The following KLHL30 variants were observed in gnomAD, a reference collection of about 807,000 sequenced individuals.
KLHL30 encodes the protein kelch-like protein 30.
Under a neutral mutation model 55.0 loss-of-function variants are expected in KLHL30, and 55 were observed. The ratio of observed to expected loss-of-function variants is 1.00; its 90% CI spans 0.80 to 1.25. The LOEUF (loss-of-function observed/expected upper bound fraction) is 1.25. KLHL30 is among the 50% of genes most tolerant of loss of function. The pLI is 0.00. For missense variants in KLHL30, 786 were observed against 811.6 expected (o/e 0.97, Z 0.38); for synonymous variants, 356 against 372.6 (o/e 0.96, Z 0.51).
At chr2:238,150,549 G>GC (rs1042503936) in intron 7 of KLHL30, among the ~76,000 whole-genome samples, 46 of 152,288 alleles carry the variant, frequency 3.0e-4, no homozygotes, top group African/African-American at 1.1e-3. Flanking sequence ...AGGCCTCAGG[G>GC]CCCCCTCTGA....
chr2:238,139,712 G>A lies in KLHL30; in HGVS notation c.-71+954G>A, dbSNP rs10210025. Among the ~76,000 whole-genome samples the A allele has an allele frequency of 3.7e-3, 561 of 152,304 alleles. 3 individuals are homozygous for A. Among genetic ancestry groups the A allele is most frequent in the African/African-American group, 0.013 (533 of 41,570 alleles). On this transcript the variant is annotated intron_variant, in intron 1 of 7. Transcript: ENST00000409223. The stretch of plus-strand genomic sequence containing the variant: ...TCCCACGCATTTTGTACCTGTGGAC[G>A]CGCGGCCGCCTCTCCTGCCCGGGAT...
At position 238,144,418 on chromosome 2, in the gene KLHL30, G is replaced by GGAAGGAAGGAAGGAAT. The variant is rs1559275952; in HGVS notation, c.908-469_908-468insTGAAGGAAGGAAGGAA. On this transcript the variant is annotated intron_variant, in intron 3 of 7. Coordinates refer to ENST00000409223, the MANE Select transcript of KLHL30 (RefSeq NM_198582.4). The stretch of plus-strand genomic sequence containing the variant: ...AGGAAGGAAGGAAGGAAGGAAGGAA[G>GGAAGGAAGGAAGGAAT]GAAGGAAGGAAGGAAGGCAGGCAGG... Among the ~76,000 whole-genome samples the GGAAGGAAGGAAGGAAT allele has an allele frequency of 1.1e-3, 133 of 117,152 alleles. 1 individual carries two copies. The highest frequency in any genetic ancestry group is 4.7e-3 in the South Asian group (18 of 3,842). 76.9% of individuals were successfully genotyped at this position (117,152 alleles called of 152,430 possible). A position where few individuals can be genotyped will look rare whatever the true frequency, so the allele number is the denominator to read the frequency against.
chr2:238,152,844 G>A lies in KLHL30; in HGVS notation c.*1779G>A, dbSNP rs1029114048. The A allele has an allele frequency of 9.2e-5, 14 of 152,212 alleles. No individual in the cohort carries two copies. The highest frequency in any genetic ancestry group is 3.4e-4 in the African/African-American group (14 of 41,448). The allele number at this position is 152,212 out of a possible 1,614,324, so 9.4% of individuals were successfully genotyped here. On this transcript the variant is annotated 3_prime_UTR_variant, in exon 8 of 8. Transcript: ENST00000409223. ...TGTTTTCTAGACAGTGATGGAAGGAGGTCAGCCAAAGGGCTGTTTAAAAAC... is the reference window on the plus strand; with the variant it reads ...TGTTTTCTAGACAGTGATGGAAGGAAGTCAGCCAAAGGGCTGTTTAAAAAC...
At chr2:238,142,007 AGGCACAGACAGGCCT>A (rs1161313148) in intron 2 of KLHL30, among the ~76,000 whole-genome samples, 5 of 152,212 alleles carry the variant, frequency 3.3e-5, no homozygotes, top group African/African-American at 1.2e-4. Flanking sequence ...ACAGGCAAGG[AGGCACAGACAGGCCT>A]GGCAGTCCGC....
At position 238,145,475 on chromosome 2, in the gene KLHL30, G is replaced by A. The variant is rs373780480; in HGVS notation, c.995-202G>A. On this transcript the variant is annotated intron_variant, in intron 4 of 7. Transcript: ENST00000409223. The stretch of plus-strand genomic sequence containing the variant: ...CTGCTGATGGGGGCTTGAAACCACC[G>A]ATTTTGTCGTCCTTGTTTATGGGGA... 3.6e-4 allele frequency among the ~76,000 whole-genome samples: 55 copies of A among 152,322 alleles called. No homozygotes were observed. In the East Asian group the frequency reaches 8.3e-3, roughly 23 times the overall value.
chr2:238,144,946 G>C lies in KLHL30; in HGVS notation c.952G>C (p.Gly318Arg). The change falls in exon 4 of 8, where the codon GGT becomes CGT. Residue 318 changes from glycine (G) to arginine (R), a missense_variant. Transcript: ENST00000409223. ...LPDFPDYHKW[G>R]FSLAALNNNI... is the part of the protein sequence containing the mutation. ...AGACTTCCCCGACTATCACAAGTGG[G>C]GTTTCTCCCTGGCGGCCCTGAACAA... 1 of 1,611,468 alleles carries C rather than the reference G, an allele frequency of 6.2e-7. No homozygotes were observed. Among genetic ancestry groups the C allele is most frequent in the Non-Finnish European group, 8.5e-7 (1 of 1,178,972 alleles).
In KLHL30 at chr2:238,147,684, C is replaced by A. The variant is rs1196382552; in HGVS notation, c.1151-150C>A. The A allele has an allele frequency of 6.5e-6, 3 of 464,490 alleles. No homozygotes were observed. Among genetic ancestry groups the A allele is most frequent in the African/African-American group, 2.0e-5 (1 of 49,430 alleles). The allele number at this position is 464,490 out of a possible 1,614,324, so 28.8% of individuals were successfully genotyped here. ...GCGGGGCGGCCTTGGGAGGTGCCAG[C>A]ACCTCTCAGAACCTCAGCTTCCCTG... On this transcript the variant is annotated intron_variant, in intron 5 of 7. Transcript: ENST00000409223. The surrounding 1 kb of genome is among the most constrained non-coding windows in gnomAD (Gnocchi z 5.8).
chr2:238,144,386 G>GGAAGGAAGGAAGGAAGGAAGGAAGGAAA (rs1692595737), intron 3 of KLHL30, among the ~76,000 whole-genome samples: 2 of 64,096 alleles, frequency 3.1e-5, no homozygotes, highest in Admixed American at 3.1e-4. Flanking sequence ...AAGGAAGGAA[G>GGAAGGAAGGAAGGAAGGAAGGAAGGAAA]GAAGGAAGGA....
intron 3 of KLHL30, among the ~76,000 whole-genome samples, chr2:238,143,276 G>T (rs1224680656): frequency 2.0e-5 from 3 of 152,244 alleles, no homozygotes; most frequent in Non-Finnish European, 4.4e-5. Flanking sequence ...CATGCTCCCT[G>T]CTCAGTGCAC....
In KLHL30 at chr2:238,142,212, A is replaced by G. The variant is rs894314250; in HGVS notation, c.775-587A>G. Among the ~76,000 whole-genome samples, 5 of 152,194 alleles carry G rather than the reference A, an allele frequency of 3.3e-5. No individual in the cohort carries two copies. In the East Asian group the frequency reaches 5.8e-4, roughly 18 times the overall value. ...CAAGTCCGGGGACAAAGAGTGGCTCAGACTGATGGTCCTCAGGCCAAGGGT... is the reference window on the plus strand; with the variant it reads ...CAAGTCCGGGGACAAAGAGTGGCTCGGACTGATGGTCCTCAGGCCAAGGGT... On this transcript the variant is annotated intron_variant, in intron 2 of 7. Transcript: ENST00000409223.
chr2:238,150,848 C>T lies in KLHL30; in HGVS notation c.1520C>T (p.Ala507Val), dbSNP rs761285870. The T allele has an allele frequency of 1.2e-5, 19 of 1,592,060 alleles. No individual in the cohort carries two copies. Among genetic ancestry groups the T allele is most frequent in the Admixed American group, 5.3e-5 (3 of 57,050 alleles). ...CAGCACAGCCTGCATGAGAATGGCG[C>T]GCTGGTGCCACTGGGTGATGCGCTG... ...QSQHSLHENG[A>V]LVPLGDALYV... Residue 507 changes from alanine (A) to valine (V), a missense_variant, in exon 8 of 8, where the codon GCG becomes GTG. Ala to Val is a moderately conservative substitution (Grantham distance 64). Transcript: ENST00000409223.
intron 7 of KLHL30, among the ~76,000 whole-genome samples, chr2:238,150,155 C>T (rs966684062): frequency 6.6e-6 from 1 of 152,200 alleles, no homozygotes; most frequent in Non-Finnish European, 1.5e-5. Context: ...ACAGCCAGGC[C>T]TTCCTCCAGC....
chr2:238,149,960 T>C (rs1294302894), intron 7 of KLHL30, among the ~76,000 whole-genome samples: 1 of 152,096 alleles, frequency 6.6e-6, no homozygotes, highest in Non-Finnish European at 1.5e-5. Flanking sequence ...AAGGTGGAAC[T>C]CCTTCCTGCA....
chr2:238,151,244 GC>G lies in KLHL30; in HGVS notation c.*181del. 1.2e-6 allele frequency: 1 copy of G among 840,346 alleles called. No individual in the cohort carries two copies. The highest frequency in any genetic ancestry group is 1.8e-6 in the Non-Finnish European group (1 of 554,672). 52.1% of individuals were successfully genotyped at this position (840,346 alleles called of 1,614,324 possible). ...GGAGGACACAGCCTTGGTCTCTGTG[GC>G]CACCACACTAAACTCTGAGCTGAGC... On this transcript the variant is annotated 3_prime_UTR_variant, in exon 8 of 8. Coordinates refer to ENST00000409223, the MANE Select transcript of KLHL30 (RefSeq NM_198582.4).
chr2:238,140,263 G>C (rs1440386238), intron 1 of KLHL30, among the ~76,000 whole-genome samples: 1 of 152,228 alleles, frequency 6.6e-6, no homozygotes, highest in African/African-American at 2.4e-5. Context: ...GGGAGCAGGA[G>C]CTGCTGCAGC....
chr2:238,146,008 C>G lies in KLHL30; in HGVS notation c.1150+176C>G, dbSNP rs377671813. Reference sequence around the variant, plus strand: ...CAAGCCACAGGCCAGGGCTCCTGACCAGGCGGGCCATCAAGACCCACAGCC... The same window carrying G: ...CAAGCCACAGGCCAGGGCTCCTGACGAGGCGGGCCATCAAGACCCACAGCC... On this transcript the variant is annotated intron_variant, in intron 5 of 7. Transcript: ENST00000409223. Among the ~76,000 whole-genome samples the G allele has an allele frequency of 2.6e-5, 4 of 152,242 alleles. No individual in the cohort carries two copies. In the East Asian group the frequency reaches 7.8e-4, roughly 30 times the overall value.
At position 238,145,672 on chromosome 2, in the gene KLHL30, G is replaced by A. The variant is rs777198369; in HGVS notation, c.995-5G>A. Reference sequence around the variant, plus strand: ...CACCCATGTAGACAGAACTTCTCCCGGCAGGTGGCTCTCGGGGCACAAAGA... The same window carrying A: ...CACCCATGTAGACAGAACTTCTCCCAGCAGGTGGCTCTCGGGGCACAAAGA... On this transcript the variant is annotated splice_polypyrimidine_tract_variant and splice_region_variant and intron_variant, in intron 4 of 7. Transcript: ENST00000409223. 6.4e-5 allele frequency: 101 copies of A among 1,572,062 alleles called. No homozygotes were observed. Among genetic ancestry groups the A allele is most frequent in the Middle Eastern group, 4.1e-4 (2 of 4,878 alleles).
chr2:238,142,478 C>G (rs1017604241), intron 2 of KLHL30, among the ~76,000 whole-genome samples: 2 of 152,312 alleles, frequency 1.3e-5, no homozygotes. Flanking sequence ...GTTCCTAAGA[C>G]AGCCAGCATT....
Position 238,151,863 on chromosome 2 carries a change from G to C in KLHL30, c.*798G>C. ...GTGTCAGAACAAAGGCTCTTCATTA[G>C]AATGGAATTTCCCACCAGGGGACGA... On this transcript the variant is annotated 3_prime_UTR_variant, in exon 8 of 8. Transcript: ENST00000409223. The C allele has an allele frequency of 6.1e-6, 6 of 984,930 alleles. No homozygotes were observed. Among genetic ancestry groups the C allele is most frequent in the Non-Finnish European group, 6.0e-6 (5 of 829,436 alleles). 61.0% of individuals were successfully genotyped at this position (984,930 alleles called of 1,614,324 possible).
Sources: gnomAD v4.1 joint callset for allele counts (sites outside exome capture counted in the v4.1 genomes callset) on GRCh38, gnomAD v4.1.1 for gene constraint, Gnocchi (gnomAD v3.1) non-coding constraint, MANE v1.5 for transcripts, NCBI Gene and HGNC (gene_info 2026-07-23, HGNC 2026-07-21) for gene names.